SLC27A5: variants seen among roughly 807,000 people sequenced by gnomAD.
SLC27A5 encodes the protein solute carrier family 27 member 5.
SLC27A5 carries 47 observed loss-of-function variants against 63.1 expected under a neutral mutation model. The ratio of observed to expected loss-of-function variants is 0.74; its 90% CI spans 0.59 to 0.95. SLC27A5 has a LOEUF of 0.95. SLC27A5 is among the 40% of genes least tolerant of loss of function. The probability of loss-of-function intolerance (pLI) is 0.00; values close to 1 mark genes in which losing one functional copy is unlikely to be tolerated. For synonymous variants in SLC27A5, 391 were observed against 403.8 expected, an observed-to-expected ratio of 0.97 and a Z score of 0.38; for missense variants, 940 against 921.0, an observed-to-expected ratio of 1.02 and a Z score of -0.27.
At chr19:58,509,826 G>C (rs1568633375) in intron 3 of SLC27A5, 21 bp downstream of exon 3, 1 of 1,604,100 alleles carries the variant, frequency 6.2e-7, no homozygotes, top group Non-Finnish European at 8.5e-7. Context: ...AGACTGGAGG[G>C]ATCCTCAGAA....
intron 3 of SLC27A5, among the ~76,000 whole-genome samples, chr19:58,501,708 C>G (rs930034704): frequency 2.0e-5 from 3 of 152,228 alleles, no homozygotes; most frequent in African/African-American, 4.8e-5. Flanking sequence ...GAGTCTCGCT[C>G]TGTTGCCCAG....
intron 4 of SLC27A5, 106 bp from the exon 5 acceptor site, chr19:58,500,812 C>T (rs568139624): frequency 1.1e-5 from 16 of 1,506,154 alleles, no homozygotes; most frequent in Non-Finnish European, 1.4e-5. Context: ...TGGGAGTTAC[C>T]TGGAAGGTGA....
In SLC27A5 at chr19:58,498,640, G is replaced by A; in HGVS notation, c.1948C>T (p.Arg650Cys). 1 of 1,614,080 alleles carries A rather than the reference G, an allele frequency of 6.2e-7. No individual in the cohort carries two copies. Residue 650 changes from arginine to cysteine, a missense_variant, in exon 10 of 10, where the codon CGT (arginine) becomes TGT (cysteine). Arg to Cys is a radical substitution (Grantham distance 180). Coordinates refer to ENST00000263093, the MANE Select transcript of SLC27A5 (RefSeq NM_012254.3). ...ACGATCCCCACATTGAAGCCCTCAC[G>A]CACCAACCGGGTCTTCATCAGTTTG... is the stretch of plus-strand genomic sequence containing the variant. ...TFKLMKTRLV[R>C]EGFNVGIVVD...
Position 58,509,981 on chromosome 19 carries a change from G to C in SLC27A5, c.923C>G (p.Thr308Arg). The C allele has an allele frequency of 1.2e-6, 2 of 1,613,866 alleles. No individual in the cohort carries two copies. Among genetic ancestry groups the C allele is most frequent in the South Asian group, 1.1e-5 (1 of 91,078 alleles). ...TTGLPKPAIL[T>R]HERVLQMSKM... ...GCTCATCTGCAGTACCCGCTCATGC[G>C]TGAGGATGGCTGGCTTCGGGAGGCC... The change falls in exon 3 of 10, where the codon ACG becomes AGG. Residue 308 changes from threonine (T) to arginine (R), a missense_variant. Thr to Arg is a moderately conservative substitution (Grantham distance 71, BLOSUM62 -1). Coordinates refer to ENST00000263093, the MANE Select transcript of SLC27A5 (RefSeq NM_012254.3).
At position 58,509,888 on chromosome 19, in the gene SLC27A5, A is replaced by G. The variant is rs1408413744; in HGVS notation, c.1016T>C (p.Val339Ala). Residue 339 changes from valine (V) to alanine (A), a missense_variant, in exon 3 of 10, where the codon GTG becomes GCG. Val to Ala is a moderately conservative substitution (Grantham distance 64). Coordinates refer to ENST00000263093, the MANE Select transcript of SLC27A5 (RefSeq NM_012254.3). ...VVYTVLPLYHVMGLVVGILGC... is the reference protein window; with the variant it reads ...VVYTVLPLYHAMGLVVGILGC... ...GAGGATCCCAACGACAAGTCCCATC[A>G]CGTGGTACAGAGGCAGGACCGTGTA... 6.2e-7 allele frequency: 1 copy of G among 1,613,736 alleles called. No individual in the cohort carries two copies. The highest frequency in any genetic ancestry group is 8.5e-7 in the Non-Finnish European group (1 of 1,179,902).
chr19:58,504,600 G>A (rs2053322795), intron 3 of SLC27A5, among the ~76,000 whole-genome samples: 4 of 145,668 alleles, frequency 2.7e-5, no homozygotes, highest in Admixed American at 1.4e-4. Flanking sequence ...CGGGCGGGGC[G>A]GAGCTTGCGG....
In SLC27A5 at chr19:58,510,877, G is replaced by T; in HGVS notation, c.742C>A (p.Arg248Ser). 1 of 1,612,642 alleles carries T rather than the reference G, an allele frequency of 6.2e-7. No individual in the cohort carries two copies. The change falls in exon 2 of 10, where the codon CGC becomes AGC. Residue 248 changes from arginine (R) to serine (S), a missense_variant. Arg to Ser is a moderately radical substitution (Grantham distance 110). Coordinates refer to ENST00000263093, the MANE Select transcript of SLC27A5 (RefSeq NM_012254.3). ...ILPKLQAENIRCFYLSHTSPT... is the reference protein window; with the variant it reads ...ILPKLQAENISCFYLSHTSPT... The stretch of plus-strand genomic sequence containing the variant: ...GAGGTATGGCTGAGGTAGAAGCAGC[G>T]GATGTTCTCAGCCTGCAGCTTGGGA...
chr19:58,511,504 C>T lies in SLC27A5; in HGVS notation c.452G>A (p.Arg151Gln), dbSNP rs752301452. Residue 151 changes from arginine to glutamine, a missense_variant, in exon 1 of 10, where the codon CGG (arginine) becomes CAG (glutamine). Arg to Gln is a conservative substitution (Grantham distance 43). Transcript: ENST00000263093. The part of the protein sequence containing the change: ...GSVTFGELDA[R>Q]ACQAAWALKA... ...CAGGGCCCATGCCGCCTGGCAGGCC[C>T]GGGCATCCAGCTCACCAAAGGTGAC... 2.7e-5 allele frequency: 42 copies of T among 1,572,018 alleles called. No individual in the cohort carries two copies. In the East Asian group the frequency reaches 4.7e-4, roughly 18 times the overall value.
intron 3 of SLC27A5, among the ~76,000 whole-genome samples, chr19:58,505,098 CTT>C (rs398035153): frequency 0.12 from 12,778 of 109,002 alleles, 1,577 homozygotes; most frequent in African/African-American, 0.38. Flanking sequence ...ACTATTTTCA[CTT>C]TTTTTTTTTT....
chr19:58,501,937 C>T (rs2053278374), intron 3 of SLC27A5, among the ~76,000 whole-genome samples: 2 of 152,228 alleles, frequency 1.3e-5, no homozygotes, highest in South Asian at 4.1e-4. Context: ...CCTCGGCCTC[C>T]AAAGTGCTGT....
chr19:58,511,273 T>C lies in SLC27A5; in HGVS notation c.683A>G (p.Asp228Gly). ...ACTGGCTCCAAGGCCCTCACCTGGGTCCACCACCAGCACCCGGGCCCCAGA... is the reference window on the plus strand; with the variant it reads ...ACTGGCTCCAAGGCCCTCACCTGGGCCCACCACCAGCACCCGGGCCCCAGA... ...LSSGARVLVV[D>G]PDLRESLEEI... The change falls in exon 1 of 10, where the codon GAC becomes GGC. Residue 228 changes from aspartate (D) to glycine (G), a missense_variant. Asp to Gly is a moderately conservative substitution (Grantham distance 94, BLOSUM62 -1). Transcript: ENST00000263093. 6.5e-7 allele frequency: 1 copy of C among 1,543,810 alleles called. No homozygotes were observed. The highest frequency in any genetic ancestry group is 1.2e-5 in the South Asian group (1 of 82,294).
At chr19:58,510,592 A>G in intron 2 of SLC27A5, 129 bp downstream of exon 2, 2 of 890,256 alleles carry the variant, frequency 2.2e-6, no homozygotes, top group South Asian at 4.1e-5. Context: ...AAACAGCCAA[A>G]CAAAAAACAA....
chr19:58,511,881 C>T lies in SLC27A5; in HGVS notation c.75G>A (p.Trp25Ter). The T allele has an allele frequency of 2.6e-6, 4 of 1,551,188 alleles. No individual in the cohort carries two copies. Among genetic ancestry groups the T allele is most frequent in the Non-Finnish European group, 3.5e-6 (4 of 1,147,660 alleles). Residue 25 changes from tryptophan (W) to a stop codon, truncating the protein, a stop_gained, in exon 1 of 10, where the codon TGG becomes TGA. Transcript: ENST00000263093. LOFTEE classifies it high-confidence loss of function. ...LLLWGLGQPV[W>*]PVAVALTLRW... ...GCAGGGTCAAGGCCACAGCGACTGG[C>T]CACACTGGCTGCCCCAGGCCCCAGA...
chr19:58,502,843 G>C lies in SLC27A5; in HGVS notation c.1058-1433C>G, dbSNP rs370595386. On this transcript the variant is annotated intron_variant, in intron 3 of 9. Coordinates refer to ENST00000263093, the MANE Select transcript of SLC27A5 (RefSeq NM_012254.3). The stretch of plus-strand genomic sequence containing the variant: ...GAGTAGTGAGTGAGTAGATGGATGG[G>C]TGGACAGTTAGAGTAGTGAGTGAGT... Among the ~76,000 whole-genome samples, 279 of 149,432 alleles carry C rather than the reference G, an allele frequency of 1.9e-3. 2 individuals are homozygous for C. The highest frequency in any genetic ancestry group is 2.4e-3 in the Admixed American group (37 of 15,154).
intron 3 of SLC27A5, among the ~76,000 whole-genome samples, chr19:58,506,094 C>CT (rs879519627): frequency 0.026 from 3,697 of 140,014 alleles, 134 homozygotes; most frequent in African/African-American, 0.087. Flanking sequence ...CCATGCCTGG[C>CT]TTTTTTTTTT....
At chr19:58,505,949 G>A (rs1020936562) in intron 3 of SLC27A5, among the ~76,000 whole-genome samples, 2 of 150,790 alleles carry the variant, frequency 1.3e-5, no homozygotes, top group Admixed American at 6.6e-5. Context: ...TCAGGAGTTC[G>A]AGACCAGCCT....
chr19:58,498,811 C>T lies in SLC27A5; in HGVS notation c.1870G>A (p.Ala624Thr). 2 of 1,613,992 alleles carry T rather than the reference C, an allele frequency of 1.2e-6. No individual in the cohort carries two copies. The highest frequency in any genetic ancestry group is 1.7e-6 in the Non-Finnish European group (2 of 1,179,994). ...QHVRAWLPAY[A>T]TPHFIRIQDA... ...TGGATGCGGATGAAATGGGGGGTAG[C>T]GTAGGCAGGGAGCCAAGCGCGAACG... Residue 624 changes from alanine (A) to threonine (T), a missense_variant, in exon 9 of 10, where the codon GCT becomes ACT. Coordinates refer to ENST00000263093, the MANE Select transcript of SLC27A5 (RefSeq NM_012254.3).
At chr19:58,500,132 C>G (rs1473112212) in intron 6 of SLC27A5, among the ~76,000 whole-genome samples, 1 of 151,950 alleles carries the variant, frequency 6.6e-6, no homozygotes, top group Non-Finnish European at 1.5e-5. Flanking sequence ...AGCAAGAGAT[C>G]AAGGCAGGGG....
chr19:58,499,041 G>C, intron 8 of SLC27A5, 82 bp downstream of exon 8: 3 of 1,600,622 alleles, frequency 1.9e-6, no homozygotes, highest in South Asian at 2.2e-5. Context: ...CTGGGCCCTA[G>C]CACTTCCCCA....
Sources: gnomAD v4.1 joint callset for allele counts (sites outside exome capture counted in the v4.1 genomes callset) on GRCh38, gnomAD v4.1.1 for gene constraint, MANE v1.5 for transcripts, NCBI Gene and HGNC (gene_info 2026-07-23, HGNC 2026-07-21) for gene names.